HPSE2: variants seen among roughly 807,000 people sequenced by gnomAD.
The protein encoded by HPSE2 is heparanase 2 (inactive).
Under a neutral mutation model 60.5 loss-of-function variants are expected in HPSE2, and 38 were observed. That is an observed-to-expected ratio of 0.63 (90% CI 0.48 to 0.82). The LOEUF is 0.82. HPSE2 is among the 40% of genes least tolerant of loss of function. The pLI, the probability that HPSE2 is intolerant of heterozygous loss-of-function variation, is 0.00. For synonymous variants in HPSE2, 295 were observed against 293.2 expected (o/e 1.01, Z -0.06); for missense variants, 713 against 740.4 (o/e 0.96, Z 0.43).
chr10:99,186,475 G>A (rs368144135), intron 2 of HPSE2, among the ~76,000 whole-genome samples: 14 of 145,318 alleles, frequency 9.6e-5, no homozygotes, highest in African/African-American at 3.5e-4. Context: ...CCCGAGAGGC[G>A]GAGGTTACAG....
intron 9 of HPSE2, among the ~76,000 whole-genome samples, chr10:98,513,634 C>G (rs1357525556): frequency 5.9e-5 from 9 of 152,200 alleles, no homozygotes; most frequent in South Asian, 2.1e-4. Flanking sequence ...CTCAAAAAAT[C>G]AAGGGCAGAA....
intron 3 of HPSE2, among the ~76,000 whole-genome samples, chr10:98,842,604 C>T (rs1951942225): frequency 6.6e-6 from 1 of 150,402 alleles, no homozygotes; most frequent in Non-Finnish European, 1.5e-5. Flanking sequence ...CACAGATTTC[C>T]TATATATGCC....
chr10:98,877,939 A>AG (rs1245187382), intron 3 of HPSE2, among the ~76,000 whole-genome samples: 1 of 151,974 alleles, frequency 6.6e-6, no homozygotes, highest in Non-Finnish European at 1.5e-5. Flanking sequence ...TCTAGGTTTA[A>AG]GGCGGTCTAA....
At chr10:99,219,499 C>G (rs1849240520) in intron 2 of HPSE2, among the ~76,000 whole-genome samples, 1 of 152,106 alleles carries the variant, frequency 6.6e-6, no homozygotes, top group African/African-American at 2.4e-5. Context: ...TTCAGATTGG[C>G]CCAACCACCC....
At chr10:98,572,040 A>G (rs1004500392) in intron 9 of HPSE2, among the ~76,000 whole-genome samples, 45 of 149,990 alleles carry the variant, frequency 3.0e-4, no homozygotes, top group Admixed American at 6.0e-4. Context: ...TCCTGGGTTC[A>G]AGTGATTCTC....
intron 2 of HPSE2, among the ~76,000 whole-genome samples, chr10:99,171,412 A>C (rs760788069): frequency 3.9e-5 from 6 of 152,190 alleles, no homozygotes; most frequent in Non-Finnish European, 8.8e-5. Flanking sequence ...GAACTCAGCC[A>C]TAAAGACAGA....
At chr10:98,679,564 A>T (rs533236192) in intron 6 of HPSE2, among the ~76,000 whole-genome samples, 66 of 152,046 alleles carry the variant, frequency 4.3e-4, no homozygotes, top group East Asian at 3.7e-3. Flanking sequence ...TGTTTTTTTT[A>T]AAATAAGCTA....
chr10:99,138,562 T>TA (rs751588342), intron 3 of HPSE2, among the ~76,000 whole-genome samples: 4 of 151,996 alleles, frequency 2.6e-5, no homozygotes, highest in Non-Finnish European at 5.9e-5. Flanking sequence ...TATGCAGCCA[T>TA]AAAAAAAGGA....
chr10:98,729,057 T>C (rs1389032780), intron 4 of HPSE2, among the ~76,000 whole-genome samples: 1 of 151,802 alleles, frequency 6.6e-6, no homozygotes, highest in East Asian at 1.9e-4. Context: ...ATGAAAACAG[T>C]ACCTTAGACA....
chr10:99,182,022 C>T (rs1847798307), intron 2 of HPSE2, among the ~76,000 whole-genome samples: 2 of 152,174 alleles, frequency 1.3e-5, no homozygotes, highest in Admixed American at 6.5e-5. Flanking sequence ...GAAACTAAAC[C>T]TCCTGACACC....
intron 3 of HPSE2, among the ~76,000 whole-genome samples, chr10:98,957,930 G>A (rs112795585): frequency 1.2e-3 from 184 of 152,204 alleles, no homozygotes; most frequent in African/African-American, 4.2e-3. Context: ...GTTTCCCTTC[G>A]GATTCGCCCA....
At chr10:99,239,418 GTTTTTTTT>G (rs760549054), upstream of HPSE2, among the ~76,000 whole-genome samples, 78 of 100,406 alleles carry the variant, frequency 7.8e-4, no homozygotes, top group African/African-American at 2.9e-3. Context: ...GTTTGTCAAG[GTTTTTTTT>G]TTTTTTTTTT....
chr10:98,970,788 C>T (rs1955933409), intron 3 of HPSE2, among the ~76,000 whole-genome samples: 2 of 152,078 alleles, frequency 1.3e-5, no homozygotes, highest in East Asian at 3.9e-4. Flanking sequence ...CAACATGCCA[C>T]ATTTGTAAAA....
At chr10:99,160,829 G>A (rs543130601) in intron 2 of HPSE2, among the ~76,000 whole-genome samples, 1 of 147,350 alleles carries the variant, frequency 6.8e-6, no homozygotes, top group Non-Finnish European at 1.5e-5. Context: ...AACCCGGGAG[G>A]CGGAGCTTGC....
chr10:99,110,045 A>G (rs1329352831), intron 3 of HPSE2, among the ~76,000 whole-genome samples: 2 of 152,218 alleles, frequency 1.3e-5, no homozygotes, highest in Non-Finnish European at 2.9e-5. Context: ...ATCACAAGCA[A>G]ACATCTCTTA....
chr10:99,008,888 AAC>A (rs1308013652), intron 3 of HPSE2, among the ~76,000 whole-genome samples: 3 of 152,154 alleles, frequency 2.0e-5, no homozygotes, highest in Admixed American at 2.0e-4. Flanking sequence ...TTATTGTCAC[AAC>A]AGAGTTCAGT....
intron 3 of HPSE2, among the ~76,000 whole-genome samples, chr10:99,015,144 C>CGA (rs1957110026): frequency 6.6e-6 from 1 of 151,594 alleles, no homozygotes; most frequent in African/African-American, 2.4e-5. Context: ...GTTAGAATGG[C>CGA]AATCATTAAA....
intron 9 of HPSE2, among the ~76,000 whole-genome samples, chr10:98,601,889 C>T (rs1945437268): frequency 6.6e-6 from 1 of 152,166 alleles, no homozygotes; most frequent in Admixed American, 6.6e-5. Flanking sequence ...ACCTAGAAGA[C>T]TTGGGCTTGA....
chr10:98,545,678 C>A (rs1291855279), intron 9 of HPSE2, among the ~76,000 whole-genome samples: 1 of 152,096 alleles, frequency 6.6e-6, no homozygotes, highest in Non-Finnish European at 1.5e-5. Flanking sequence ...CTATCTATGA[C>A]AAACCCACGC....
Sources: gnomAD v4.1 joint callset for allele counts (sites outside exome capture counted in the v4.1 genomes callset) on GRCh38, gnomAD v4.1.1 for gene constraint, MANE v1.5 for transcripts, NCBI Gene and HGNC (gene_info 2026-07-23, HGNC 2026-07-21) for gene names.